Variants in AMMECR1 observed in about 807,000 individuals in gnomAD.
AMMECR1 encodes the protein AMMECR nuclear protein 1, also known as nuclear protein AMMECR1.
A neutral mutation model predicts 22.5 loss-of-function variants in AMMECR1; 3 were observed. The ratio of observed to expected loss-of-function variants is 0.13; its 90% CI spans 0.06 to 0.35. The LOEUF is 0.35. Among genes scored for constraint, AMMECR1 ranks in the 10% least tolerant of loss-of-function variants. The pLI, the probability that AMMECR1 is intolerant of heterozygous loss-of-function variation, is 1.00. For synonymous variants in AMMECR1, 130 were observed against 116.7 expected, an observed-to-expected ratio of 1.11 and a Z score of -0.74; for missense variants, 235 against 278.7, an observed-to-expected ratio of 0.84 and a Z score of 1.12.
chrX:110,272,952 G>T (rs1170886499), intron 1 of AMMECR1, among the ~76,000 whole-genome samples: 1 of 111,821 alleles, frequency 8.9e-6, no homozygotes, highest in Non-Finnish European at 1.9e-5. Flanking sequence ...TTGCTATTGT[G>T]AATAGTGCTG....
intron 2 of AMMECR1, among the ~76,000 whole-genome samples, chrX:110,352,499 C>T (rs952390817): frequency 2.7e-5 from 3 of 111,924 alleles, no homozygotes; most frequent in African/African-American, 9.8e-5. Flanking sequence ...ATAAGCATAT[C>T]TATATTGGCA....
At chrX:110,279,736 T>C (rs1014529734) in intron 1 of AMMECR1, among the ~76,000 whole-genome samples, 1 of 111,981 alleles carries the variant, frequency 8.9e-6, no homozygotes, top group African/African-American at 3.2e-5. Context: ...AAAGTTATTT[T>C]ATACCTAGAA....
chrX:110,419,287 G>A (rs1324167203), intron 2 of AMMECR1, among the ~76,000 whole-genome samples: 1 of 111,980 alleles, frequency 8.9e-6, no homozygotes, highest in Non-Finnish European at 1.9e-5. Context: ...CTCGCCCCAG[G>A]GCCTTTGTTC....
intron 2 of AMMECR1, among the ~76,000 whole-genome samples, chrX:110,363,416 G>A (rs1208263343): frequency 2.7e-5 from 3 of 111,663 alleles, no homozygotes; most frequent in Non-Finnish European, 5.6e-5. Flanking sequence ...GAGATTGGCT[G>A]CCCACAGAAA....
intron 2 of AMMECR1, among the ~76,000 whole-genome samples, chrX:110,425,570 C>T (rs754369797): frequency 4.4e-5 from 5 of 113,117 alleles, no homozygotes; most frequent in Non-Finnish European, 7.5e-5. Flanking sequence ...TGAGAAAGGC[C>T]TAGCCTAACA....
chrX:110,276,191 A>AT (rs751855664), intron 1 of AMMECR1, among the ~76,000 whole-genome samples: 1 of 111,697 alleles, frequency 9.0e-6, no homozygotes, highest in Non-Finnish European at 1.9e-5. Flanking sequence ...TGAATTTTTC[A>AT]TTTTTTATAG....
At chrX:110,225,037 A>T (rs2148176749) in intron 2 of AMMECR1, 1 of 372,247 alleles carries the variant, frequency 2.7e-6, no homozygotes, top group African/African-American at 2.6e-5. Context: ...GGATTGGCTG[A>T]CAATGTCGTC....
At chrX:110,273,067 A>G (rs1304476145) in intron 1 of AMMECR1, among the ~76,000 whole-genome samples, 1 of 111,879 alleles carries the variant, frequency 8.9e-6, no homozygotes, top group African/African-American at 3.3e-5. Context: ...TTCTATTTTT[A>G]GTTCTTAGAG....
At chrX:110,231,909 G>T (rs534654284) in intron 2 of AMMECR1, among the ~76,000 whole-genome samples, 168 of 111,102 alleles carry the variant, frequency 1.5e-3, no homozygotes, top group African/African-American at 5.2e-3. Context: ...AAGATCAAAA[G>T]AGACAAAAAA....
intron 2 of AMMECR1, among the ~76,000 whole-genome samples, chrX:110,338,666 C>T (rs758155697): frequency 8.9e-6 from 1 of 111,985 alleles, no homozygotes; most frequent in Admixed American, 9.5e-5. Flanking sequence ...AATCAGGTTT[C>T]GCCTGTTTAC....
chrX:110,275,413 T>C (rs1245522378), intron 1 of AMMECR1, among the ~76,000 whole-genome samples: 2 of 111,744 alleles, frequency 1.8e-5, no homozygotes, highest in Non-Finnish European at 3.8e-5. Flanking sequence ...TTCCATTGTC[T>C]TCTGGAAGCT....
chrX:110,392,760 A>G (rs1193056848), intron 2 of AMMECR1, among the ~76,000 whole-genome samples: 1 of 112,368 alleles, frequency 8.9e-6, no homozygotes, highest in Non-Finnish European at 1.9e-5. Context: ...AAGTGACTCA[A>G]TTGATGTACC....
intron 2 of AMMECR1, among the ~76,000 whole-genome samples, chrX:110,413,688 T>C (rs747933515): frequency 4.1e-4 from 45 of 110,279 alleles, no homozygotes; most frequent in Non-Finnish European, 7.8e-4. Context: ...CCCTACCATC[T>C]ACACCTTGCT....
chrX:110,224,903 T>C (rs1174944470), intron 2 of AMMECR1: 2 of 318,652 alleles, frequency 6.3e-6, no homozygotes, highest in East Asian at 9.4e-5. Context: ...CAGCAACTGC[T>C]TTCCTCATTT....
intron 2 of AMMECR1, among the ~76,000 whole-genome samples, chrX:110,406,101 G>T (rs1237961292): frequency 9.1e-6 from 1 of 109,903 alleles, no homozygotes; most frequent in East Asian, 2.8e-4. Context: ...TTCAAGGAAG[G>T]TTCTGGAAAG....
In AMMECR1 at chrX:110,298,364, A is replaced by G. The variant is rs181963200; in HGVS notation, c.473+19235T>C. ...GCCAAAGCAAATTACAAGTTATGAG[A>G]AACTTTTACAACAATAGTAGCATTA... is the stretch of plus-strand genomic sequence containing the variant. On this transcript the variant is annotated intron_variant, in intron 1 of 5. Coordinates refer to ENST00000262844, the MANE Select transcript of AMMECR1 (RefSeq NM_015365.3). Among the ~76,000 whole-genome samples the G allele has an allele frequency of 9.0e-4, 101 of 111,784 alleles. 1 individual carries two copies. Among genetic ancestry groups the G allele is most frequent in the African/African-American group, 3.0e-3 (94 of 30,824 alleles).
intron 1 of AMMECR1, among the ~76,000 whole-genome samples, chrX:110,280,869 T>G (rs1160009386): frequency 8.9e-6 from 1 of 112,175 alleles, no homozygotes; most frequent in Admixed American, 9.4e-5. Context: ...TTTAGGCAAC[T>G]ATTTCCTTGA....
chrX:110,349,712 A>G lies in AMMECR1; in HGVS notation c.-147-31863T>C, dbSNP rs916603499. ...CTGTTCTTAGTACTTTTTGTATATA[A>G]TAATTCATTTATTCCTCACAACAAT... is the stretch of plus-strand genomic sequence containing the variant. On this transcript the variant is annotated intron_variant, in intron 2 of 7. Coordinates refer to the AMMECR1 transcript ENST00000372057. Among the ~76,000 whole-genome samples the G allele has an allele frequency of 9.8e-5, 11 of 112,111 alleles. No homozygotes were observed. The East Asian group carries it at 3.1e-3, about 31-fold the overall frequency.
chrX:110,405,329 G>T (rs900798020), intron 2 of AMMECR1, among the ~76,000 whole-genome samples: 3 of 111,717 alleles, frequency 2.7e-5, no homozygotes, highest in African/African-American at 9.8e-5. Context: ...CCCAGAGAGG[G>T]CCTCAATGGC....
Sources: gnomAD v4.1 joint callset for allele counts (sites outside exome capture counted in the v4.1 genomes callset) on GRCh38, gnomAD v4.1.1 for gene constraint, MANE v1.5 for transcripts, NCBI Gene and HGNC (gene_info 2026-07-23, HGNC 2026-07-21) for gene names.